WDR17: variants seen among roughly 807,000 people sequenced by gnomAD.
The protein encoded by WDR17 is WD repeat domain 17.
A neutral mutation model predicts 161.7 loss-of-function variants in WDR17; 143 were observed. The ratio of observed to expected loss-of-function variants is 0.88; its 90% CI spans 0.77 to 1.02. The LOEUF (loss-of-function observed/expected upper bound fraction) is 1.02. WDR17 is among the 50% of genes least tolerant of loss of function. The pLI is 0.00. For synonymous variants in WDR17, 517 were observed against 515.6 expected (o/e 1.00, Z -0.04); for missense variants, 1,469 against 1,520.9 (o/e 0.97, Z 0.57).
intron 1 of WDR17, chr4:176,096,536 A>G (rs1736893589): frequency 6.2e-7 from 1 of 1,601,650 alleles, no homozygotes; most frequent in African/African-American, 1.4e-5. Context: ...TGGATGACTT[A>G]CATTTCAAAT....
chr4:176,106,999 C>A (rs1256593500), intron 1 of WDR17, among the ~76,000 whole-genome samples: 1 of 151,974 alleles, frequency 6.6e-6, no homozygotes, highest in African/African-American at 2.4e-5. Flanking sequence ...TGGACAGCAA[C>A]CCACAGAATG....
chr4:176,134,474 T>A (rs1744075704), intron 7 of WDR17, among the ~76,000 whole-genome samples: 1 of 151,728 alleles, frequency 6.6e-6, no homozygotes, highest in African/African-American at 2.4e-5. Context: ...TATCTGCATA[T>A]ACCACTTTAT....
intron 1 of WDR17, among the ~76,000 whole-genome samples, chr4:176,083,390 TACC>T (rs930984051): frequency 5.9e-5 from 9 of 152,164 alleles, no homozygotes; most frequent in African/African-American, 1.4e-4. Flanking sequence ...CAGCACTCAC[TACC>T]ACCACCAAGG....
Position 176,131,726 on chromosome 4 carries a change from T to C in WDR17, c.1086T>C (p.Phe362=), listed in dbSNP as rs1019694423. 1 of 1,610,844 alleles carries C rather than the reference T, an allele frequency of 6.2e-7. No homozygotes were observed. The change falls in exon 7 of 29, where the codon TTT becomes TTC. Residue 362 remains phenylalanine, a synonymous_variant. Coordinates refer to ENST00000508596, the MANE Select transcript of WDR17 (RefSeq NM_181265.4). ...LYDMGAKKWD[F]LRDLGHVETI... Reference sequence around the variant, plus strand: ...ATATGGGAGCTAAGAAGTGGGATTTTCTTAGAGACTTGGTATGTATGTAGT... The same window carrying C: ...ATATGGGAGCTAAGAAGTGGGATTTCCTTAGAGACTTGGTATGTATGTAGT...
chr4:176,116,168 A>C (rs1349033034), intron 3 of WDR17, among the ~76,000 whole-genome samples, 189 bp downstream of exon 3: 2 of 151,952 alleles, frequency 1.3e-5, no homozygotes, highest in African/African-American at 2.4e-5. Flanking sequence ...TCATGAAATA[A>C]TTATACGTAG....
chr4:176,176,185 T>A (rs1751434193), intron 26 of WDR17, among the ~76,000 whole-genome samples: 1 of 152,110 alleles, frequency 6.6e-6, no homozygotes, highest in Admixed American at 6.5e-5. Flanking sequence ...TAATTAAGCA[T>A]TAAATTAATA....
At chr4:176,095,073 T>C (rs1472066359) in intron 1 of WDR17, among the ~76,000 whole-genome samples, 1 of 152,068 alleles carries the variant, frequency 6.6e-6, no homozygotes, top group Non-Finnish European at 1.5e-5. Context: ...ACAAGGTTGG[T>C]AGAGTTGTTG....
rs905712740 is a variant in WDR17, at chr4:176,119,947, T to C, written c.388T>C (p.Trp130Arg). The C allele has an allele frequency of 2.5e-6, 4 of 1,614,090 alleles. No individual in the cohort carries two copies. The highest frequency in any genetic ancestry group is 3.4e-6 in the Non-Finnish European group (4 of 1,179,978). ...TTCCCACAGAGGCCCACTGTTCATT[T>C]GGACCATCTCAGGACCAGATAGTGG... Reference protein sequence around the residue: ...FVSHRGPLFIWTISGPDSGVI... With the variant: ...FVSHRGPLFIRTISGPDSGVI... Residue 130 changes from tryptophan (W) to arginine (R), a missense_variant, in exon 4 of 29, where the codon TGG (tryptophan) becomes CGG (arginine). Trp to Arg is a moderately radical substitution (Grantham distance 101). Transcript: ENST00000508596.
intron 5 of WDR17, among the ~76,000 whole-genome samples, chr4:176,127,028 T>A (rs1203981505): frequency 3.9e-5 from 6 of 152,162 alleles, no homozygotes; most frequent in African/African-American, 1.4e-4. Flanking sequence ...CTTGGGTATG[T>A]CTTTATAGCA....
rs559494145 is a variant in WDR17, at chr4:176,101,827, T to TA, written c.-6-9739dup. ...GCTGGAATAACTGGATATACAATGT[T>TA]AAAAAAAAAGAATCTAGACACAGGC... On this transcript the variant is annotated intron_variant, in intron 1 of 28. Coordinates refer to ENST00000508596, the MANE Select transcript of WDR17 (RefSeq NM_181265.4). 5.2e-4 allele frequency among the ~76,000 whole-genome samples: 78 copies of TA among 150,838 alleles called. 3 individuals carry two copies. In the South Asian group the frequency reaches 0.012, roughly 22 times the overall value.
intron 7 of WDR17, among the ~76,000 whole-genome samples, chr4:176,133,941 A>G (rs1235582221): frequency 6.6e-6 from 1 of 151,750 alleles, no homozygotes; most frequent in Non-Finnish European, 1.5e-5. Flanking sequence ...TGTTCTTGCT[A>G]TGTGAATTTT....
Position 176,161,003 on chromosome 4 carries a change from G to C in WDR17, c.2750+1G>C. On this transcript the variant is annotated splice_donor_variant, in intron 20 of 28. Transcript: ENST00000508596. LOFTEE classifies it high-confidence loss of function. ...ATATCTACAAGGAAGACTTTAATGA[G>C]TGAGTGATTTATTTGCTCTGGGTCC... 6.2e-7 allele frequency: 1 copy of C among 1,604,018 alleles called. No homozygotes were observed. Among genetic ancestry groups the C allele is most frequent in the Non-Finnish European group, 8.5e-7 (1 of 1,175,638 alleles).
intron 6 of WDR17, among the ~76,000 whole-genome samples, chr4:176,130,299 C>T (rs35291933): frequency 0.25 from 38,712 of 151,836 alleles, 5,065 homozygotes; most frequent in African/African-American, 0.3. Flanking sequence ...AAAATATCAA[C>T]GAAATTTAGT....
At chr4:176,131,935 A>G (rs1040742676) in intron 7 of WDR17, among the ~76,000 whole-genome samples, 197 bp downstream of exon 7, 2 of 152,136 alleles carry the variant, frequency 1.3e-5, no homozygotes, top group Non-Finnish European at 2.9e-5. Context: ...TTTAACCACT[A>G]TACTTCAAAA....
At chr4:176,103,003 T>G (rs1321212642) in intron 1 of WDR17, among the ~76,000 whole-genome samples, 2 of 152,156 alleles carry the variant, frequency 1.3e-5, no homozygotes, top group African/African-American at 4.8e-5. Flanking sequence ...ATCACAGAAG[T>G]GCAGACAAAG....
intron 7 of WDR17, among the ~76,000 whole-genome samples, chr4:176,134,322 G>T (rs190144041): frequency 6.6e-6 from 1 of 151,584 alleles, no homozygotes; most frequent in Non-Finnish European, 1.5e-5. Flanking sequence ...TGTTAGTTTC[G>T]TTTGCTTAAA....
rs139983782 is a variant in WDR17 at position 176,138,888 on chromosome 4, G to A, written c.1360-1004G>A. ...AATAAGGGAAAAATTAACAATGCCA[G>A]CATTAATTAACTAAGCTACGTGTGT... On this transcript the variant is annotated intron_variant, in intron 9 of 28. Coordinates refer to ENST00000508596, the MANE Select transcript of WDR17 (RefSeq NM_181265.4). 4.1e-3 allele frequency among the ~76,000 whole-genome samples: 621 copies of A among 151,942 alleles called. 5 individuals are homozygous for A. Among genetic ancestry groups the A allele is most frequent in the African/African-American group, 0.014 (570 of 41,532 alleles).
intron 18 of WDR17, among the ~76,000 whole-genome samples, chr4:176,159,477 C>G (rs1748704594): frequency 1.3e-5 from 2 of 152,304 alleles, no homozygotes; most frequent in African/African-American, 4.8e-5. Context: ...TAATCTTCCT[C>G]ACTTAAGGCA....
At chr4:176,152,142 T>C (rs995862687) in intron 17 of WDR17, among the ~76,000 whole-genome samples, 175 bp downstream of exon 17, 2 of 151,488 alleles carry the variant, frequency 1.3e-5, no homozygotes, top group African/African-American at 4.9e-5. Context: ...AAACCCCACC[T>C]CTACAAAAAT....
Sources: gnomAD v4.1 joint callset for allele counts (sites outside exome capture counted in the v4.1 genomes callset) on GRCh38, gnomAD v4.1.1 for gene constraint, MANE v1.5 for transcripts, NCBI Gene and HGNC (gene_info 2026-07-23, HGNC 2026-07-21) for gene names.